FAM3A: variants seen among roughly 807,000 people sequenced by gnomAD.
FAM3A encodes the protein protein FAM3A.
Under a neutral mutation model 18.1 loss-of-function variants are expected in FAM3A, and 5 were observed. That is an observed-to-expected ratio of 0.28 (90% CI 0.14 to 0.58). FAM3A has a LOEUF of 0.58. Among genes scored for constraint, FAM3A ranks in the 20% least tolerant of loss-of-function variants. The probability of loss-of-function intolerance (pLI) is 0.91; values close to 1 mark genes in which losing one functional copy is unlikely to be tolerated. For synonymous variants in FAM3A, 108 were observed against 90.2 expected, an observed-to-expected ratio of 1.20 and a Z score of -1.12; for missense variants, 154 against 216.6, an observed-to-expected ratio of 0.71 and a Z score of 1.81.
At position 154,509,816 on chromosome X, in the gene FAM3A, G is replaced by C. The variant is rs781957295; in HGVS notation, c.152-1219C>G. The C allele has an allele frequency of 6.3e-4, 71 of 112,178 alleles. 1 individual carries two copies. The highest frequency in any genetic ancestry group is 2.3e-3 in the African/African-American group (70 of 30,932). The allele number at this position is 112,178 out of a possible 1,213,427, so 9.2% of individuals were successfully genotyped here. ...CCTCATGACGTAACTACCTCAAAAAGGCCCTCCTCTCAATACCAATACATT... is the reference window on the plus strand; with the variant it reads ...CCTCATGACGTAACTACCTCAAAAACGCCCTCCTCTCAATACCAATACATT... On this transcript the variant is annotated intron_variant, in intron 3 of 8. Coordinates refer to ENST00000447601, the MANE Select transcript of FAM3A (RefSeq NM_021806.4).
At chrX:154,512,380 A>G (rs782235046) in intron 2 of FAM3A, 1 of 249,009 alleles carries the variant, frequency 4.0e-6, no homozygotes, top group South Asian at 4.8e-5. Flanking sequence ...TAGAGGTTGC[A>G]GTGAACCGAG....
Position 154,508,365 on chromosome X carries a change from G to T in FAM3A, c.276-18C>A, listed in dbSNP as rs2069676775. ...TCATCAGCCTAGTTGGGGGGGGGTG[G>T]GGGGGACGGGGAGATCCCACATGGG... On this transcript the variant is annotated intron_variant, in intron 4 of 8. Transcript: ENST00000447601. The T allele has an allele frequency of 1.4e-5, 5 of 367,010 alleles. No homozygotes were observed. The highest frequency in any genetic ancestry group is 2.8e-5 in the African/African-American group (1 of 35,507). The allele number at this position is 367,010 out of a possible 1,213,427, so 30.2% of individuals were successfully genotyped here.
intron 3 of FAM3A, chrX:154,509,145 T>C (rs1222125655): frequency 4.7e-6 from 1 of 211,592 alleles, no homozygotes; most frequent in Non-Finnish European, 9.0e-6. Context: ...CTGGAGTAGG[T>C]TGGGTCCTTA....
chrX:154,515,956 G>C lies in FAM3A; in HGVS notation c.-184C>G, dbSNP rs1284960418. 2.2e-6 allele frequency: 1 copy of C among 459,071 alleles called. No homozygotes were observed. The highest frequency in any genetic ancestry group is 3.8e-6 in the Non-Finnish European group (1 of 265,219). The allele number at this position is 459,071 out of a possible 1,213,427, so 37.8% of individuals were successfully genotyped here. On this transcript the variant is annotated 5_prime_UTR_variant, in exon 1 of 9. Coordinates refer to ENST00000447601, the MANE Select transcript of FAM3A (RefSeq NM_021806.4). ...CAGGCAGGGCTCCTCGGAAACGCGCGGGGAAACCCTGCCTGGCCAGGAGGG... is the reference window on the plus strand; with the variant it reads ...CAGGCAGGGCTCCTCGGAAACGCGCCGGGAAACCCTGCCTGGCCAGGAGGG...
At chrX:154,512,683 AGACTGGG>A in intron 2 of FAM3A, 133 bp downstream of exon 2, 1 of 472,206 alleles carries the variant, frequency 2.1e-6, no homozygotes. Flanking sequence ...GCCAGGAGAC[AGACTGGG>A]GACAGCCAAA....
chrX:154,507,649 C>A (rs945838532), intron 6 of FAM3A, 159 bp from the exon 7 acceptor site: 1 of 791,189 alleles, frequency 1.3e-6, no homozygotes, highest in Middle Eastern at 3.6e-4. Flanking sequence ...TCCCCGTGAC[C>A]TCCCACAGCC....
At chrX:154,511,404 C>T (rs2148303425) in intron 3 of FAM3A, 1 of 118,599 alleles carries the variant, frequency 8.4e-6, no homozygotes, top group African/African-American at 3.2e-5. Context: ...ACACTGCCGG[C>T]CTGGAGTGAA....
chrX:154,512,753 C>G, intron 2 of FAM3A, 70 bp downstream of exon 2: 1 of 768,373 alleles, frequency 1.3e-6, no homozygotes, highest in Non-Finnish European at 2.0e-6. Flanking sequence ...CAACCCAGAG[C>G]CTCAACCACA....
At chrX:154,507,748 CAG>C (rs1320524593) in intron 6 of FAM3A, 61 bp downstream of exon 6, 1 of 1,054,503 alleles carries the variant, frequency 9.5e-7, no homozygotes, top group African/African-American at 1.9e-5. Context: ...AGCAGTGTCT[CAG>C]GGGAAGCTGC....
rs1326092433 is a variant in FAM3A, at chrX:154,507,610, G to A, written c.386-120C>T. 7.0e-6 allele frequency: 6 copies of A among 863,288 alleles called. No homozygotes were observed. In the African/African-American group the frequency reaches 1.2e-4, roughly 17 times the overall value. The allele number at this position is 863,288 out of a possible 1,213,427, so 71.1% of individuals were successfully genotyped here. A position where few individuals can be genotyped will look rare whatever the true frequency, so the allele number is the denominator to read the frequency against. Reference sequence around the variant, plus strand: ...TTGGGCCTGGGACATGCCCCGCCAAGGGACAGGCTGGTGTAGGAAGCTGAG... The same window carrying A: ...TTGGGCCTGGGACATGCCCCGCCAAAGGACAGGCTGGTGTAGGAAGCTGAG... On this transcript the variant is annotated intron_variant, in intron 6 of 8. Coordinates refer to ENST00000447601, the MANE Select transcript of FAM3A (RefSeq NM_021806.4).
At chrX:154,512,107 GC>G (rs1461686892) in intron 2 of FAM3A, among the ~76,000 whole-genome samples, 1 of 110,204 alleles carries the variant, frequency 9.1e-6, no homozygotes, top group Non-Finnish European at 1.9e-5. Flanking sequence ...AGATGACCTG[GC>G]CGGGCATAGT....
At chrX:154,514,078 C>CT (rs1377782708) in intron 1 of FAM3A, among the ~76,000 whole-genome samples, 1 of 110,249 alleles carries the variant, frequency 9.1e-6, no homozygotes, top group Non-Finnish European at 1.9e-5. Context: ...GACAGAAGCA[C>CT]TAACTTCTCT....
At chrX:154,507,175 T>C in intron 8 of FAM3A, 28 bp downstream of exon 8, 1 of 1,181,289 alleles carries the variant, frequency 8.5e-7, no homozygotes. Flanking sequence ...GCTGCCCCGG[T>C]GGGGGTGATG....
intron 4 of FAM3A, 49 bp from the exon 5 acceptor site, chrX:154,508,396 CT>C (rs2069682098): frequency 1.3e-5 from 15 of 1,164,395 alleles, no homozygotes; most frequent in Non-Finnish European, 1.6e-5. Context: ...ATGGGCACGT[CT>C]GCTCCACTCT....
chrX:154,507,095 T>A (rs782056966), intron 8 of FAM3A, 108 bp downstream of exon 8: 2 of 1,052,308 alleles, frequency 1.9e-6, no homozygotes, highest in Non-Finnish European at 1.3e-6. Context: ...ATAGCTGGAC[T>A]GGGGACGGTC....
Position 154,506,912 on chromosome X carries a change from G to A in FAM3A, c.598-6C>T, listed in dbSNP as rs782360723. 1 of 1,199,968 alleles carries A rather than the reference G, an allele frequency of 8.3e-7. No homozygotes were observed. Among genetic ancestry groups the A allele is most frequent in the Admixed American group, 2.2e-5 (1 of 45,676 alleles). ...TGCTTACTGTTCTTCACGTGCTGTG[G>A]GGAGGGGAGCAGAAAGTCATGACTT... On this transcript the variant is annotated splice_region_variant and splice_polypyrimidine_tract_variant and intron_variant, in intron 8 of 8. Coordinates refer to ENST00000447601, the MANE Select transcript of FAM3A (RefSeq NM_021806.4).
intron 8 of FAM3A, 56 bp downstream of exon 8, chrX:154,507,147 A>T: frequency 8.6e-7 from 1 of 1,160,969 alleles, no homozygotes. Context: ...CGTCGCATGC[A>T]GGCAGAAGGG....
chrX:154,508,388 G>A, intron 4 of FAM3A, 41 bp from the exon 5 acceptor site: 8 of 1,144,838 alleles, frequency 7.0e-6, no homozygotes, highest in South Asian at 2.0e-5. Context: ...GATCCCACAT[G>A]GGCACGTCTG....
chrX:154,509,090 T>C (rs2069728057), intron 3 of FAM3A: 1 of 242,723 alleles, frequency 4.1e-6, no homozygotes, highest in Non-Finnish European at 7.8e-6. Context: ...TACTTCAGAA[T>C]GTGATGTTTG....
Sources: gnomAD v4.1 joint callset for allele counts (sites outside exome capture counted in the v4.1 genomes callset) on GRCh38, gnomAD v4.1.1 for gene constraint, MANE v1.5 for transcripts, NCBI Gene and HGNC (gene_info 2026-07-23, HGNC 2026-07-21) for gene names.